FMNL2: variants seen among roughly 807,000 people sequenced by gnomAD.
FMNL2 encodes the protein formin-like protein 2.
A neutral mutation model predicts 130.2 loss-of-function variants in FMNL2; 51 were observed. The ratio of observed to expected loss-of-function variants is 0.39; its 90% confidence interval spans 0.31 to 0.49. The LOEUF is 0.49. Among genes scored for constraint, FMNL2 ranks in the 20% least tolerant of loss-of-function variants. The probability of loss-of-function intolerance (pLI) is 0.85; values close to 1 mark genes in which losing one functional copy is unlikely to be tolerated. For synonymous variants in FMNL2, 465 were observed against 467.1 expected (o/e 1.00, Z 0.06); for missense variants, 977 against 1,316.2 (o/e 0.74, Z 3.99).
At chr2:152,537,032 T>C (rs1162261159) in intron 2 of FMNL2, among the ~76,000 whole-genome samples, 5 of 151,584 alleles carry the variant, frequency 3.3e-5, no homozygotes, top group Non-Finnish European at 7.4e-5. Context: ...AGGCTTTCAA[T>C]GACAAACTCT....
chr2:152,462,997 A>G (rs534554183), intron 1 of FMNL2, among the ~76,000 whole-genome samples: 1 of 152,336 alleles, frequency 6.6e-6, no homozygotes, highest in South Asian at 2.1e-4. Context: ...CAGATTCGTT[A>G]TCCTCTAAGG....
At chr2:152,336,645 G>T (rs573965163) in intron 1 of FMNL2, among the ~76,000 whole-genome samples, 2 of 152,234 alleles carry the variant, frequency 1.3e-5, no homozygotes, top group African/African-American at 4.8e-5. Context: ...AGGGTGTGGC[G>T]GCTTGCCCCA....
At chr2:152,630,742 C>T (rs952711292) in intron 20 of FMNL2, among the ~76,000 whole-genome samples, 3 of 152,196 alleles carry the variant, frequency 2.0e-5, no homozygotes, top group African/African-American at 7.2e-5. Context: ...AGGGCCTAAG[C>T]TAAATGTAAA....
chr2:152,415,268 C>T (rs13391023), intron 1 of FMNL2, among the ~76,000 whole-genome samples: 25 of 152,026 alleles, frequency 1.6e-4, no homozygotes, highest in African/African-American at 5.8e-4. Flanking sequence ...GTTCTTGGCT[C>T]GGAGACAGCA....
chr2:152,425,774 T>C (rs528368343), intron 1 of FMNL2, among the ~76,000 whole-genome samples: 1 of 152,314 alleles, frequency 6.6e-6, no homozygotes, highest in South Asian at 2.1e-4. Flanking sequence ...CTTTGGTTAA[T>C]TGAAGTCAAG....
rs137957944 is a variant in FMNL2 at position 152,486,004 on chromosome 2, C to T, written c.118-35939C>T. On this transcript the variant is annotated intron_variant, in intron 1 of 25. Transcript: ENST00000288670. ...GTATAATTGGCAAACTTCTCATCTC[C>T]GAGAATAATTGCTTGATTTCATGGA... Among the ~76,000 whole-genome samples, 7 of 152,216 alleles carry T rather than the reference C, an allele frequency of 4.6e-5. No homozygotes were observed. The East Asian group carries it at 5.8e-4, about 13-fold the overall frequency.
At chr2:152,617,550 GCTT>G (rs1280202578) in intron 13 of FMNL2, among the ~76,000 whole-genome samples, 2 of 152,116 alleles carry the variant, frequency 1.3e-5, no homozygotes, top group Non-Finnish European at 2.9e-5. Flanking sequence ...TAGGACTTGA[GCTT>G]CTTTGTATTT....
chr2:152,427,957 C>G (rs779638337), intron 1 of FMNL2, among the ~76,000 whole-genome samples: 10 of 152,202 alleles, frequency 6.6e-5, no homozygotes, highest in Non-Finnish European at 1.5e-4. Flanking sequence ...CATAGGATTA[C>G]ATTCAGTGTA....
chr2:152,424,359 A>G (rs1464757133), intron 1 of FMNL2, among the ~76,000 whole-genome samples: 1 of 150,280 alleles, frequency 6.7e-6, no homozygotes, highest in African/African-American at 2.4e-5. Context: ...TTATTAATTG[A>G]TTGATTTGCT....
Position 152,632,035 on chromosome 2 carries a change from A to C in FMNL2, c.2578A>C (p.Lys860Gln). 6.2e-7 allele frequency: 1 copy of C among 1,612,588 alleles called. No individual in the cohort carries two copies. The highest frequency in any genetic ancestry group is 1.1e-5 in the South Asian group (1 of 90,598). The change falls in exon 21 of 26, where the codon AAG becomes CAG. Residue 860 changes from lysine to glutamine, a missense_variant. Coordinates refer to ENST00000288670, the MANE Select transcript of FMNL2 (RefSeq NM_052905.4). Reference sequence around the variant, plus strand: ...CTTAGATACAAAGTCAACAGACAGAAAGCAAACACTGTTGCACTATATATC... The same window carrying C: ...CTTAGATACAAAGTCAACAGACAGACAGCAAACACTGTTGCACTATATATC... ...LLLDTKSTDR[K>Q]QTLLHYISNV... is the part of the protein sequence containing the mutation.
At chr2:152,501,290 C>A (rs1441412396) in intron 1 of FMNL2, among the ~76,000 whole-genome samples, 1 of 152,102 alleles carries the variant, frequency 6.6e-6, no homozygotes, top group Admixed American at 6.5e-5. Context: ...AATGTAATTG[C>A]TTTTCTAAAG....
chr2:152,451,684 C>T (rs566042024), intron 1 of FMNL2, among the ~76,000 whole-genome samples: 152 of 152,288 alleles, frequency 1.0e-3, no homozygotes, highest in Non-Finnish European at 1.7e-3. Context: ...GGTCAGCCCG[C>T]TTGCTCCGGA....
At chr2:152,506,682 C>T (rs1014459708) in intron 1 of FMNL2, among the ~76,000 whole-genome samples, 1 of 152,072 alleles carries the variant, frequency 6.6e-6, no homozygotes, top group African/African-American at 2.4e-5. Flanking sequence ...CAAACTTTTT[C>T]AGTCATAGCA....
At chr2:152,623,691 T>C (rs1681534737) in intron 15 of FMNL2, among the ~76,000 whole-genome samples, 1 of 152,100 alleles carries the variant, frequency 6.6e-6, no homozygotes, top group South Asian at 2.1e-4. Flanking sequence ...TAATGACAAA[T>C]AGTGAAGCTC....
intron 6 of FMNL2, among the ~76,000 whole-genome samples, chr2:152,574,355 G>C (rs2105685704): frequency 6.7e-6 from 1 of 149,474 alleles, no homozygotes; most frequent in East Asian, 2.0e-4. Flanking sequence ...AGAATCGCTT[G>C]AACCTGGGAG....
At chr2:152,563,797 C>T (rs1695660443) in intron 6 of FMNL2, among the ~76,000 whole-genome samples, 1 of 152,228 alleles carries the variant, frequency 6.6e-6, no homozygotes, top group Non-Finnish European at 1.5e-5. Context: ...ATTAATCTCT[C>T]ATGCCACCAC....
At chr2:152,589,969 A>G (rs368469483) in intron 9 of FMNL2, among the ~76,000 whole-genome samples, 876 of 30,416 alleles carry the variant, frequency 0.029, 40 homozygotes, top group East Asian at 0.062. Flanking sequence ...ATATATATAT[A>G]TATATATATA....
At chr2:152,389,842 A>AT in intron 1 of FMNL2, 1 of 1,148,252 alleles carries the variant, frequency 8.7e-7, no homozygotes, top group East Asian at 2.4e-5. Flanking sequence ...GAAGCTTATC[A>AT]TACAGACTTT....
At chr2:152,496,791 G>T (rs1691539771) in intron 1 of FMNL2, among the ~76,000 whole-genome samples, 1 of 152,102 alleles carries the variant, frequency 6.6e-6, no homozygotes, top group Non-Finnish European at 1.5e-5. Flanking sequence ...AATTGTTCCA[G>T]ATTTGGCTAT....
Sources: gnomAD v4.1 joint callset for allele counts (sites outside exome capture counted in the v4.1 genomes callset) on GRCh38, gnomAD v4.1.1 for gene constraint, MANE v1.5 for transcripts, NCBI Gene and HGNC (gene_info 2026-07-23, HGNC 2026-07-21) for gene names.